Variants in NHSL2 observed in about 807,000 individuals in gnomAD.
The protein encoded by NHSL2 is NHS-like protein 2.
Under a neutral mutation model 53.4 loss-of-function variants are expected in NHSL2, and 27 were observed. The observed-to-expected ratio is 0.51, with a 90% confidence interval of 0.37 to 0.70. NHSL2 has a LOEUF of 0.70. NHSL2 is among the 30% of genes least tolerant of loss of function. The probability of loss-of-function intolerance (pLI) is 0.00; values close to 1 mark genes in which losing one functional copy is unlikely to be tolerated. For missense variants in NHSL2, 892 were observed against 980.1 expected (o/e 0.91, Z 1.20); for synonymous variants, 408 against 404.1 (o/e 1.01, Z -0.12).
At chrX:72,010,950 C>A (rs1395532732) in intron 1 of NHSL2, among the ~76,000 whole-genome samples, 1 of 112,207 alleles carries the variant, frequency 8.9e-6, no homozygotes, top group Non-Finnish European at 1.9e-5. Context: ...CTACTTAACC[C>A]CTAGCGACCA....
chrX:71,972,202 T>A (rs1277293953), intron 1 of NHSL2, among the ~76,000 whole-genome samples: 1 of 110,678 alleles, frequency 9.0e-6, no homozygotes, highest in Non-Finnish European at 1.9e-5. Context: ...GCCTGGCTAA[T>A]TTTTGTATTT....
At chrX:72,050,666 A>C (rs2042335107) in intron 1 of NHSL2, among the ~76,000 whole-genome samples, 1 of 111,081 alleles carries the variant, frequency 9.0e-6, no homozygotes, top group Non-Finnish European at 1.9e-5. Flanking sequence ...GCCTGAGGTG[A>C]GTGGATCACT....
At chrX:72,131,328 G>C (rs774040323) in intron 1 of NHSL2, 14 of 1,199,891 alleles carry the variant, frequency 1.2e-5, no homozygotes, top group Non-Finnish European at 1.6e-5. Flanking sequence ...CACTGAGCGC[G>C]AACTCCAAGT....
At position 72,057,897 on chromosome X, in the gene NHSL2, C is replaced by A. The variant is rs193038020; in HGVS notation, c.281-74182C>A. Reference sequence around the variant, plus strand: ...CTCAGAAAAAGGGGGGAAAAGCCACCAATCTTACTGAAAAGTAGCTTAGAT... The same window carrying A: ...CTCAGAAAAAGGGGGGAAAAGCCACAAATCTTACTGAAAAGTAGCTTAGAT... On this transcript the variant is annotated intron_variant, in intron 1 of 7. Coordinates refer to ENST00000633930, the MANE Select transcript of NHSL2 (RefSeq NM_001013627.3). Among the ~76,000 whole-genome samples the A allele has an allele frequency of 3.3e-3, 374 of 112,459 alleles. 2 individuals are homozygous for A. The highest frequency in any genetic ancestry group is 1.7e-3 in the Non-Finnish European group (91 of 53,321).
chrX:71,936,129 C>G (rs2041737149), intron 1 of NHSL2, among the ~76,000 whole-genome samples: 1 of 111,840 alleles, frequency 8.9e-6, no homozygotes, highest in Non-Finnish European at 1.9e-5. Flanking sequence ...GAGTGATTTG[C>G]CCGAGGCCAC....
rs1351430077 is a variant in NHSL2 at position 71,984,862 on chromosome X, C to T, written c.280+73495C>T. ...TTTTTGAGATGGAGTCTTGCTCTGT[C>T]GCCCAGGCTGGAGTGCAGTGGCACG... On this transcript the variant is annotated intron_variant, in intron 1 of 7. Transcript: ENST00000633930. Among the ~76,000 whole-genome samples, 27 of 94,584 alleles carry T rather than the reference C, an allele frequency of 2.9e-4. No homozygotes were observed. In the East Asian group the frequency reaches 7.5e-3, roughly 26 times the overall value. 82.1% of individuals were successfully genotyped at this position (94,584 alleles called of 115,157 possible). A position where few individuals can be genotyped will look rare whatever the true frequency, so the allele number is the denominator to read the frequency against.
chrX:72,130,168 T>A (rs1173776029), intron 1 of NHSL2: 1 of 1,210,825 alleles, frequency 8.3e-7, no homozygotes, highest in Admixed American at 2.2e-5. Flanking sequence ...ATCTTGGGCC[T>A]CATCCAGTGG....
At chrX:72,131,030 C>G (rs2042289560) in intron 1 of NHSL2, 18 of 1,211,100 alleles carry the variant, frequency 1.5e-5, no homozygotes, top group Non-Finnish European at 2.0e-5. Context: ...ATGAAGGTCT[C>G]TAGCTGCATC....
intron 1 of NHSL2, among the ~76,000 whole-genome samples, chrX:72,082,341 C>T (rs1460508486): frequency 9.0e-6 from 1 of 111,723 alleles, no homozygotes; most frequent in Non-Finnish European, 1.9e-5. Flanking sequence ...CATTAATTGC[C>T]TCCCCTTTCC....
At chrX:72,112,901 G>A (rs374163343) in intron 1 of NHSL2, among the ~76,000 whole-genome samples, 1 of 111,105 alleles carries the variant, frequency 9.0e-6, no homozygotes, top group East Asian at 2.8e-4. Context: ...TGTTGGCCAG[G>A]CTGGTCTCAA....
intron 1 of NHSL2, among the ~76,000 whole-genome samples, chrX:72,031,966 G>A (rs2042217462): frequency 9.0e-6 from 1 of 111,152 alleles, no homozygotes; most frequent in African/African-American, 3.3e-5. Flanking sequence ...CAGGTTTCAC[G>A]TTTTACATGT....
At chrX:71,951,068 T>C (rs1349101296) in intron 1 of NHSL2, among the ~76,000 whole-genome samples, 1 of 98,184 alleles carries the variant, frequency 1.0e-5, no homozygotes, top group Non-Finnish European at 2.0e-5. Flanking sequence ...TGAAAAAAAA[T>C]AGTGGATAGA....
intron 1 of NHSL2, among the ~76,000 whole-genome samples, chrX:71,974,740 T>C (rs1961444142): frequency 8.9e-6 from 1 of 112,029 alleles, no homozygotes; most frequent in African/African-American, 3.2e-5. Flanking sequence ...ATCCCTTCCA[T>C]GCTGACTGTT....
intron 1 of NHSL2, among the ~76,000 whole-genome samples, chrX:71,925,372 C>T (rs903344330): frequency 2.7e-5 from 3 of 110,109 alleles, no homozygotes; most frequent in African/African-American, 9.9e-5. Context: ...GTGCTCAATA[C>T]ATATTTTCTG....
intron 1 of NHSL2, among the ~76,000 whole-genome samples, chrX:72,081,401 A>T (rs888745229): frequency 1.8e-5 from 2 of 111,927 alleles, no homozygotes; most frequent in Non-Finnish European, 3.8e-5. Context: ...TACTTTTTTC[A>T]CAGAGACACA....
In NHSL2 at chrX:72,059,232, T is replaced by C. The variant is rs144794080; in HGVS notation, c.281-72847T>C. Among the ~76,000 whole-genome samples the C allele has an allele frequency of 3.1e-3, 344 of 110,779 alleles. 6 individuals are homozygous for C. Among genetic ancestry groups the C allele is most frequent in the Admixed American group, 0.03 (318 of 10,478 alleles). On this transcript the variant is annotated intron_variant, in intron 1 of 7. Coordinates refer to ENST00000633930, the MANE Select transcript of NHSL2 (RefSeq NM_001013627.3). ...TATTCTCCCTGTCTGGCCCCACCGC[T>C]CCACCCTGAGGCAAGCCTTCATCAT...
intron 1 of NHSL2, among the ~76,000 whole-genome samples, chrX:72,006,333 G>A (rs2042094262): frequency 8.9e-6 from 1 of 112,071 alleles, no homozygotes; most frequent in Non-Finnish European, 1.9e-5. Context: ...AGTTGGCTCC[G>A]CGTTCCCCTT....
chrX:72,022,057 C>T (rs1055280283), intron 1 of NHSL2, among the ~76,000 whole-genome samples: 12 of 111,880 alleles, frequency 1.1e-4, no homozygotes, highest in Admixed American at 8.5e-4. Flanking sequence ...AACACCCAGG[C>T]ACTCTACCTG....
At chrX:72,131,630 G>T in intron 1 of NHSL2, 1 of 916,815 alleles carries the variant, frequency 1.1e-6, no homozygotes, top group Non-Finnish European at 1.5e-6. Flanking sequence ...TGCGGCGGCG[G>T]GGCTCGGGAG....
Sources: gnomAD v4.1 joint callset for allele counts (sites outside exome capture counted in the v4.1 genomes callset) on GRCh38, gnomAD v4.1.1 for gene constraint, MANE v1.5 for transcripts, NCBI Gene and HGNC (gene_info 2026-07-23, HGNC 2026-07-21) for gene names.